The following TSBP1 variants were observed in gnomAD, a reference collection of about 807,000 sequenced individuals.
TSBP1 encodes testis-expressed basic protein 1.
A neutral mutation model predicts 68.8 loss-of-function variants in TSBP1; 56 were observed. The observed-to-expected ratio is 0.81, with a 90% CI of 0.66 to 1.02. The LOEUF (loss-of-function observed/expected upper bound fraction) is 1.02. Ranked by LOEUF, TSBP1 falls within the 50% of genes least tolerant of loss-of-function variation. The pLI, the probability that TSBP1 is intolerant of heterozygous loss-of-function variation, is 0.00. For synonymous variants in TSBP1, 171 were observed against 208.7 expected (o/e 0.82, Z 1.56); for missense variants, 502 against 641.2 (o/e 0.78, Z 2.34).
At position 32,361,776 on chromosome 6, in the gene TSBP1, A is replaced by G. The variant is rs1183371755; in HGVS notation, c.217+4391T>C. ...TTGTTTCAGCTGTATTTTGAGTTGTATCTTGCTTTTGAGTTGTATGAGTTC... is the reference window on the plus strand; with the variant it reads ...TTGTTTCAGCTGTATTTTGAGTTGTGTCTTGCTTTTGAGTTGTATGAGTTC... On this transcript the variant is annotated intron_variant, in intron 6 of 22. Coordinates refer to ENST00000612031, the Ensembl canonical transcript of TSBP1. This position sits in a 1 kb window ranked among gnomAD's most constrained non-coding sequence, Gnocchi z 4.3. Among the ~76,000 whole-genome samples, 1 of 151,994 alleles carries G rather than the reference A, an allele frequency of 6.6e-6. No homozygotes were observed. The highest frequency in any genetic ancestry group is 1.9e-4 in the East Asian group (1 of 5,178).
chr6:32,311,006 C>A (rs1217526520), intron 19 of TSBP1, among the ~76,000 whole-genome samples: 2 of 152,034 alleles, frequency 1.3e-5, no homozygotes, highest in African/African-American at 2.4e-5. Context: ...AGTTCTTACT[C>A]CAAAAATTCA....
Position 32,365,074 on chromosome 6 carries a change from T to TA in TSBP1, c.217+1092dup, listed in dbSNP as rs9281752. Among the ~76,000 whole-genome samples, 2 of 151,456 alleles carry TA rather than the reference T, an allele frequency of 1.3e-5. No homozygotes were observed. Among genetic ancestry groups the TA allele is most frequent in the Non-Finnish European group, 2.9e-5 (2 of 67,870 alleles). ...ACATCCAACTGATTTTTTTTTTTTT[T>TA]AGAGACGGAGTCTCACTATGTTGCC... On this transcript the variant is annotated intron_variant, in intron 6 of 22. Coordinates refer to ENST00000612031, the Ensembl canonical transcript of TSBP1. This position sits in a 1 kb window ranked among gnomAD's most constrained non-coding sequence, Gnocchi z 4.3.
chr6:32,324,902 A>G (rs773361707), intron 16 of TSBP1, among the ~76,000 whole-genome samples: 31 of 152,272 alleles, frequency 2.0e-4, no homozygotes, highest in Middle Eastern at 3.4e-3. Context: ...CCATGTTGCA[A>G]CTCAAGTTCC....
chr6:32,366,209 A>G (rs1773691318), intron 5 of TSBP1, 22 bp from the exon 6 acceptor site: 3 of 1,593,800 alleles, frequency 1.9e-6, no homozygotes, highest in Non-Finnish European at 2.6e-6. Flanking sequence ...AAGAAAAATT[A>G]TAAGATTCTT....
Position 32,306,094 on chromosome 6 carries a change from C to CT in TSBP1, c.581-3466dup, listed in dbSNP as rs1324995878. ...AACAGCAAAATAACTAACATGAACTCTTTTTTTGTTTAAAGGACCTTCACC... is the reference window on the plus strand; with the variant it reads ...AACAGCAAAATAACTAACATGAACTCTTTTTTTTGTTTAAAGGACCTTCACC... On this transcript the variant is annotated intron_variant, in intron 19 of 22. Transcript: ENST00000612031. This position sits in a 1 kb window ranked among gnomAD's most constrained non-coding sequence, Gnocchi z 5.1. 6.6e-6 allele frequency among the ~76,000 whole-genome samples: 1 copy of CT among 152,070 alleles called. No homozygotes were observed. Among genetic ancestry groups the CT allele is most frequent in the Non-Finnish European group, 1.5e-5 (1 of 68,002 alleles).
intron 8 of TSBP1, among the ~76,000 whole-genome samples, chr6:32,354,574 G>C (rs888593032): frequency 9.2e-5 from 14 of 152,138 alleles, no homozygotes; most frequent in African/African-American, 2.9e-4. Context: ...TCCTACTTCA[G>C]GGTATGTACC....
At chr6:32,358,576 C>G (rs1772612033) in intron 6 of TSBP1, among the ~76,000 whole-genome samples, 1 of 152,026 alleles carries the variant, frequency 6.6e-6, no homozygotes, top group Admixed American at 6.5e-5. Context: ...CCCCTCACCC[C>G]ACAACAGGCC....
rs888465132 is a variant in TSBP1, at chr6:32,361,477, C to G, written c.217+4690G>C. 6.6e-6 allele frequency among the ~76,000 whole-genome samples: 1 copy of G among 152,190 alleles called. No homozygotes were observed. Among genetic ancestry groups the G allele is most frequent in the African/African-American group, 2.4e-5 (1 of 41,438 alleles). On this transcript the variant is annotated intron_variant, in intron 6 of 22. Coordinates refer to ENST00000612031, the Ensembl canonical transcript of TSBP1. This position sits in a 1 kb window ranked among gnomAD's most constrained non-coding sequence, Gnocchi z 4.3. The stretch of plus-strand genomic sequence containing the variant: ...CACACTGTCTTCCACAATGGTTGAA[C>G]TAGTTTACACTCCCACCAACATTGT...
chr6:32,327,308 G>A (rs547295515), intron 16 of TSBP1, among the ~76,000 whole-genome samples: 2 of 152,310 alleles, frequency 1.3e-5, no homozygotes, highest in East Asian at 3.9e-4. Flanking sequence ...AGTTTCATCT[G>A]GTGGTAAAAA....
intron 1 of TSBP1, among the ~76,000 whole-genome samples, chr6:32,370,407 G>GTATATATATA (rs9279612): frequency 1.1e-4 from 15 of 130,696 alleles, no homozygotes; most frequent in African/African-American, 1.6e-4. Context: ...AAGATTTTCT[G>GTATATATATA]TATATATATA....
chr6:32,357,871 C>T lies in TSBP1; in HGVS notation c.218-2202G>A, dbSNP rs11967329. On this transcript the variant is annotated intron_variant, in intron 6 of 22. Transcript: ENST00000612031. The surrounding 1 kb of genome is among the most constrained non-coding windows in gnomAD (Gnocchi z 4.7). Reference sequence around the variant, plus strand: ...ATGCCTTTCATATATCTTCAGGACACGTGTGCTATGATTATATAGGTTGGC... The same window carrying T: ...ATGCCTTTCATATATCTTCAGGACATGTGTGCTATGATTATATAGGTTGGC... 0.01 allele frequency among the ~76,000 whole-genome samples: 1,547 copies of T among 152,200 alleles called. 21 individuals are homozygous for T. Among genetic ancestry groups the T allele is most frequent in the African/African-American group, 0.031 (1,286 of 41,522 alleles).
At chr6:32,349,280 G>C (rs1195393875) in intron 9 of TSBP1, among the ~76,000 whole-genome samples, 1 of 150,468 alleles carries the variant, frequency 6.6e-6, no homozygotes, top group Non-Finnish European at 1.5e-5. Flanking sequence ...CTTAGTGTCA[G>C]TTGCAGCTCA....
intron 15 of TSBP1, among the ~76,000 whole-genome samples, chr6:32,331,438 G>A (rs1425933952): frequency 6.6e-6 from 1 of 152,170 alleles, no homozygotes; most frequent in Non-Finnish European, 1.5e-5. Flanking sequence ...CCAGAGAGAT[G>A]GTTAGTGTTA....
At chr6:32,367,848 C>T (rs1242222396) in intron 4 of TSBP1, 77 bp downstream of exon 4, 1 of 1,078,198 alleles carries the variant, frequency 9.3e-7, no homozygotes, top group Non-Finnish European at 1.4e-6. Flanking sequence ...AAATCATGCT[C>T]AAATGGAGAT....
At chr6:32,307,351 C>T (rs1003489455) in intron 19 of TSBP1, among the ~76,000 whole-genome samples, 2 of 151,892 alleles carry the variant, frequency 1.3e-5, no homozygotes, top group African/African-American at 4.8e-5. Context: ...TTTTTTGTTT[C>T]TAAATATGTA....
At position 32,371,768 on chromosome 6, in the gene TSBP1, A is replaced by G. The variant is rs373709987; in HGVS notation, c.-62T>C. On this transcript the variant is annotated 5_prime_UTR_variant, in exon 1 of 23. Transcript: ENST00000612031. ...TGGATTTCTTTGTCAGAGAGAGATC[A>G]AGGTAAAACGAAAAACTCAAGTTCA... The G allele has an allele frequency of 2.7e-4, 428 of 1,609,000 alleles. 2 individuals are homozygous for G. In the African/African-American group the frequency reaches 5.3e-3, roughly 20 times the overall value.
Position 32,369,897 on chromosome 6 carries a change from C to A in TSBP1, c.100G>T (p.Glu34Ter). The A allele has an allele frequency of 6.3e-7, 1 of 1,583,802 alleles. No homozygotes were observed. The highest frequency in any genetic ancestry group is 1.1e-5 in the South Asian group (1 of 90,380). The change falls in exon 2 of 23, where the codon GAA becomes TAA. Residue 34 changes from glutamate (E) to a stop codon, truncating the protein, a stop_gained and splice_region_variant. Transcript: ENST00000612031. LOFTEE classifies it high-confidence loss of function. ...TTCATTTTGACTCATTATTACTCACCACTTTGCTTACATCGTGCCCATCTT... is the reference window on the plus strand; with the variant it reads ...TTCATTTTGACTCATTATTACTCACAACTTTGCTTACATCGTGCCCATCTT...
chr6:32,320,389 G>C (rs905209153), intron 18 of TSBP1, among the ~76,000 whole-genome samples: 6 of 152,050 alleles, frequency 3.9e-5, no homozygotes, highest in Non-Finnish European at 8.8e-5. Flanking sequence ...TCTGTGCATG[G>C]GGAGGCAGTA....
chr6:32,366,210 TAA>T, intron 5 of TSBP1, 23 bp from the exon 6 acceptor site: 1 of 1,593,340 alleles, frequency 6.3e-7, no homozygotes, highest in Non-Finnish European at 8.5e-7. Context: ...AGAAAAATTA[TAA>T]GATTCTTAAT....
Sources: allele counts gnomAD v4.1 joint callset (sites outside exome capture counted in the v4.1 genomes callset), GRCh38; gene constraint gnomAD v4.1.1; non-coding constraint Gnocchi (gnomAD v3.1); transcripts MANE v1.5; gene names NCBI Gene and HGNC (gene_info 2026-07-23, HGNC 2026-07-21).